Variants in PDE8B observed in about 807,000 individuals in gnomAD.
PDE8B encodes phosphodiesterase 8B.
PDE8B carries 26 observed loss-of-function variants against 101.3 expected under a neutral mutation model. The observed-to-expected ratio is 0.26, with a 90% CI of 0.19 to 0.36. PDE8B has a LOEUF of 0.36. Ranked by LOEUF, PDE8B falls within the 10% of genes least tolerant of loss-of-function variation. The probability of loss-of-function intolerance (pLI) is 1.00; values close to 1 mark genes in which losing one functional copy is unlikely to be tolerated. For synonymous variants in PDE8B, 424 were observed against 429.3 expected (o/e 0.99, Z 0.15); for missense variants, 810 against 1,163.1 (o/e 0.70, Z 4.42).
chr5:77,155,083 G>T, the PDE8B span, among the ~76,000 whole-genome samples: 1 of 152,100 alleles, frequency 6.6e-6, no homozygotes, highest in East Asian at 1.9e-4. Flanking sequence ...AGCCCATGTG[G>T]CCAGATGGGC....
intron 1 of PDE8B, among the ~76,000 whole-genome samples, chr5:77,288,839 C>CTGTTT (rs1766622195): frequency 1.6e-5 from 2 of 128,350 alleles, no homozygotes; most frequent in African/African-American, 5.7e-5. Context: ...CTGCCCCCAT[C>CTGTTT]TTTTTTTTTT....
At chr5:77,423,149 A>G (rs1360569868) in intron 20 of PDE8B, among the ~76,000 whole-genome samples, 2 of 152,212 alleles carry the variant, frequency 1.3e-5, no homozygotes, top group Non-Finnish European at 2.9e-5. Flanking sequence ...CTTTAGGATA[A>G]TGGCCTCCAG....
At chr5:77,329,425 A>G (rs1000634240) in intron 4 of PDE8B, among the ~76,000 whole-genome samples, 1 of 151,972 alleles carries the variant, frequency 6.6e-6, no homozygotes. Flanking sequence ...CTTGTTTTTC[A>G]TTTAAGAAGA....
At chr5:77,195,336 G>A in the PDE8B span, among the ~76,000 whole-genome samples, 1 of 152,234 alleles carries the variant, frequency 6.6e-6, no homozygotes, top group African/African-American at 2.4e-5. Flanking sequence ...GTTGCATTAA[G>A]CATCAATTTT....
chr5:77,187,830 C>T, the PDE8B span, among the ~76,000 whole-genome samples: 311 of 152,300 alleles, frequency 2.0e-3, 1 homozygote, highest in Non-Finnish European at 3.6e-3. Flanking sequence ...GAAAAAGCAA[C>T]CATCTAGCAT....
intron 1 of PDE8B, among the ~76,000 whole-genome samples, chr5:77,262,166 G>A (rs1288345676): frequency 6.6e-6 from 1 of 151,918 alleles, no homozygotes; most frequent in Non-Finnish European, 1.5e-5. Context: ...TATGGGAACA[G>A]GGGTGGCACT....
intron 10 of PDE8B, among the ~76,000 whole-genome samples, chr5:77,376,253 G>T (rs1460876814): frequency 1.3e-5 from 2 of 152,118 alleles, no homozygotes; most frequent in Admixed American, 6.5e-5. Flanking sequence ...GTGATTCAAG[G>T]TTATTTAGTA....
the PDE8B span, among the ~76,000 whole-genome samples, chr5:77,192,518 A>G: frequency 6.6e-6 from 1 of 152,196 alleles, no homozygotes; most frequent in East Asian, 1.9e-4. Context: ...GTCACTTTTC[A>G]TCTTTGAGTA....
At chr5:77,193,841 T>A in the PDE8B span, among the ~76,000 whole-genome samples, 1 of 152,194 alleles carries the variant, frequency 6.6e-6, no homozygotes, top group Non-Finnish European at 1.5e-5. Context: ...AATTTCTCTA[T>A]CAGTGTTTTA....
Position 77,219,470 on chromosome 5 carries a change from A to C in PDE8B, c.339+8206A>C, listed in dbSNP as rs528684308. ...CACCCAGGGTACCATATGAAGAAAA[A>C]GATGCCGTTCTGACGTCAGAACCAC... On this transcript the variant is annotated intron_variant, in intron 1 of 21. Coordinates refer to ENST00000264917, the MANE Select transcript of PDE8B (RefSeq NM_003719.5). 3.9e-5 allele frequency among the ~76,000 whole-genome samples: 6 copies of C among 152,290 alleles called. No individual in the cohort carries two copies. The South Asian group carries it at 1.2e-3, about 32-fold the overall frequency.
intron 1 of PDE8B, among the ~76,000 whole-genome samples, chr5:77,248,137 A>C (rs570208780): frequency 6.6e-6 from 1 of 152,354 alleles, no homozygotes; most frequent in Admixed American, 6.5e-5. Context: ...TCTGACTCTG[A>C]AACAGAAAAG....
At chr5:77,252,756 G>A (rs1034462525) in intron 1 of PDE8B, among the ~76,000 whole-genome samples, 1 of 152,178 alleles carries the variant, frequency 6.6e-6, no homozygotes, top group Non-Finnish European at 1.5e-5. Context: ...GGTAGCCGTT[G>A]AGGAGTAAGG....
chr5:77,273,536 A>T (rs1282129647), intron 1 of PDE8B, among the ~76,000 whole-genome samples: 1 of 152,198 alleles, frequency 6.6e-6, no homozygotes, highest in East Asian at 1.9e-4. Context: ...ATGACTTTAA[A>T]CACAACAATG....
rs113220939 is a variant in PDE8B at position 77,352,679 on chromosome 5, C to T, written c.1107-667C>T. Among the ~76,000 whole-genome samples the T allele has an allele frequency of 2.5e-3, 374 of 152,278 alleles. 3 individuals carry two copies. Among genetic ancestry groups the T allele is most frequent in the African/African-American group, 8.3e-3 (344 of 41,554 alleles). ...AGAGAGTGGGATACCCCACGGGCTT[C>T]TGGGGGCAAAAAACCTAATGTAACT... On this transcript the variant is annotated intron_variant, in intron 9 of 21. Transcript: ENST00000264917.
the PDE8B span, among the ~76,000 whole-genome samples, chr5:77,175,806 T>C: frequency 6.6e-6 from 1 of 152,200 alleles, no homozygotes; most frequent in Non-Finnish European, 1.5e-5. Flanking sequence ...TGTGATAAAA[T>C]ACCTCACCAC....
chr5:77,413,348 T>TC, intron 17 of PDE8B, 39 bp downstream of exon 17: 1 of 1,542,212 alleles, frequency 6.5e-7, no homozygotes, highest in Non-Finnish European at 9.0e-7. Context: ...CCTGCCTGGA[T>TC]TGGAGATCCA....
At chr5:77,325,466 G>A (rs939318856) in intron 2 of PDE8B, 73 bp from the exon 3 acceptor site, 16 of 1,373,162 alleles carry the variant, frequency 1.2e-5, no homozygotes, top group Non-Finnish European at 1.7e-5. Flanking sequence ...ACTGCGCCTG[G>A]CCACTAGGCT....
the PDE8B span, among the ~76,000 whole-genome samples, chr5:77,154,257 TA>T: frequency 6.6e-6 from 1 of 152,242 alleles, no homozygotes; most frequent in East Asian, 1.9e-4. Flanking sequence ...TTTATGGGAT[TA>T]TCACTATCTG....
chr5:77,289,100 G>A (rs761546800), intron 1 of PDE8B, among the ~76,000 whole-genome samples: 1 of 152,110 alleles, frequency 6.6e-6, no homozygotes, highest in Non-Finnish European at 1.5e-5. Flanking sequence ...TCCACACTGA[G>A]AGACATGCTC....
Sources: gnomAD v4.1 joint callset for allele counts (sites outside exome capture counted in the v4.1 genomes callset) on GRCh38, gnomAD v4.1.1 for gene constraint, MANE v1.5 for transcripts, NCBI Gene and HGNC (gene_info 2026-07-23, HGNC 2026-07-21) for gene names.